PLEKHA4: variants seen among roughly 807,000 people sequenced by gnomAD.
PLEKHA4 encodes pleckstrin homology domain containing A4.
A neutral mutation model predicts 94.7 loss-of-function variants in PLEKHA4; 73 were observed. The ratio of observed to expected loss-of-function variants is 0.77; its 90% CI spans 0.64 to 0.94. PLEKHA4 has a LOEUF of 0.94. Among genes scored for constraint, PLEKHA4 ranks in the 40% least tolerant of loss-of-function variants. The probability of loss-of-function intolerance (pLI) is 0.00; values close to 1 mark genes in which losing one functional copy is unlikely to be tolerated. For synonymous variants in PLEKHA4, 449 were observed against 437.1 expected (o/e 1.03, Z -0.34); for missense variants, 1,049 against 1,054.1 (o/e 1.00, Z 0.07).
intron 9 of PLEKHA4, among the ~76,000 whole-genome samples, chr19:48,855,615 T>TAAAG (rs1270942259): frequency 1.4e-5 from 2 of 145,994 alleles, no homozygotes; most frequent in Non-Finnish European, 3.0e-5. Context: ...AATAAATAAA[T>TAAAG]AAATAAATAA....
chr19:48,837,925 C>A lies in PLEKHA4; in HGVS notation c.2077+92G>T. 9.4e-7 allele frequency: 1 copy of A among 1,058,872 alleles called. No homozygotes were observed. Among genetic ancestry groups the A allele is most frequent in the Non-Finnish European group, 1.4e-6 (1 of 709,524 alleles). The allele number at this position is 1,058,872 out of a possible 1,614,324, so 65.6% of individuals were successfully genotyped here. On this transcript the variant is annotated intron_variant, in intron 19 of 19. Transcript: ENST00000263265. The surrounding 1 kb of genome is among the most constrained non-coding windows in gnomAD (Gnocchi z 4.3). ...CACCAAGATAAAAAATTCTCACCGG[C>A]CCCCAGACCCCTCCTCTCCAGGACC...
rs774888600 is a variant in PLEKHA4, at chr19:48,853,802, G to A, written c.1206C>T (p.Thr402=). ...KEQLEAALEL[T]RQQLGQATRE... The stretch of plus-strand genomic sequence containing the variant: ...TGGTGGCTTGGCCCAGCTGTTGCCG[G>A]GTCAACTCCAGAGCTGCTTCTAGTT... Residue 402 remains threonine, a synonymous_variant, in exon 12 of 20, where the codon ACC becomes ACT. Coordinates refer to ENST00000263265, the MANE Select transcript of PLEKHA4 (RefSeq NM_020904.3). The A allele has an allele frequency of 2.2e-5, 36 of 1,612,410 alleles. No homozygotes were observed. The Middle Eastern group carries it at 4.9e-4, about 22-fold the overall frequency.
At chr19:48,845,213 A>G (rs1285703132) in intron 16 of PLEKHA4, 157 bp downstream of exon 16, 2 of 697,822 alleles carry the variant, frequency 2.9e-6, no homozygotes, top group Non-Finnish European at 4.9e-6. Context: ...ACAGCTTAGA[A>G]GCGACAGAGA....
chr19:48,865,586 T>C lies in PLEKHA4; in HGVS notation c.109A>G (p.Ile37Val), dbSNP rs506425. Residue 37 changes from isoleucine to valine, a missense_variant, in exon 3 of 20, where the codon ATC becomes GTC. Ile to Val is a conservative substitution (Grantham distance 29). Transcript: ENST00000263265. ...TTGCCTCTCTTCCCAAAGGCGTGGATCTTGTTTACTGCCCGGGTGGGCTTC... is the reference window on the plus strand; with the variant it reads ...TTGCCTCTCTTCCCAAAGGCGTGGACCTTGTTTACTGCCCGGGTGGGCTTC... ...PKKPTRAVNK[I>V]HAFGKRGNAL... is the part of the protein sequence containing the mutation. 0.32 allele frequency: 510,509 copies of C among 1,611,826 alleles called. 92,383 individuals are homozygous for C. Among genetic ancestry groups the C allele is most frequent in the African/African-American group, 0.8 (59,809 of 74,838 alleles).
chr19:48,842,650 G>A (rs535938667), intron 16 of PLEKHA4, among the ~76,000 whole-genome samples: 2 of 152,182 alleles, frequency 1.3e-5, no homozygotes, highest in African/African-American at 2.4e-5. Flanking sequence ...CCAAGCCCCT[G>A]CTGCTCTTTG....
chr19:48,860,514 C>T, intron 5 of PLEKHA4, 55 bp from the exon 6 acceptor site: 8 of 1,379,340 alleles, frequency 5.8e-6, no homozygotes, highest in Non-Finnish European at 5.1e-6. Context: ...AAAAGGAGGA[C>T]AGGCCGGACC....
chr19:48,839,308 AC>A, intron 17 of PLEKHA4, 45 bp from the exon 18 acceptor site: 1 of 1,388,800 alleles, frequency 7.2e-7, no homozygotes. Context: ...TGGAAGCCCC[AC>A]GTTCTCATTT....
chr19:48,847,375 G>A (rs555059712), intron 14 of PLEKHA4, among the ~76,000 whole-genome samples: 8 of 152,186 alleles, frequency 5.3e-5, no homozygotes, highest in African/African-American at 1.9e-4. Flanking sequence ...ATTCGAGGCT[G>A]CAGTGAGCCA....
At chr19:48,863,403 G>C (rs1285062788) in intron 3 of PLEKHA4, among the ~76,000 whole-genome samples, 1 of 147,766 alleles carries the variant, frequency 6.8e-6, no homozygotes, top group Non-Finnish European at 1.5e-5. Flanking sequence ...ACAGGTGCCT[G>C]CCACCATGCA....
At chr19:48,864,212 AGG>A (rs1330452734) in intron 3 of PLEKHA4, among the ~76,000 whole-genome samples, 1 of 148,044 alleles carries the variant, frequency 6.8e-6, no homozygotes, top group African/African-American at 2.5e-5. Flanking sequence ...TCCATCATCC[AGG>A]CTGGAGTGCA....
intron 2 of PLEKHA4, among the ~76,000 whole-genome samples, chr19:48,866,667 A>G (rs2036846284): frequency 6.6e-6 from 1 of 152,050 alleles, no homozygotes; most frequent in African/African-American, 2.4e-5. Context: ...GCTGTAGGGA[A>G]GCAATTTGGG....
intron 17 of PLEKHA4, among the ~76,000 whole-genome samples, chr19:48,840,504 C>G (rs1460665148): frequency 1.3e-5 from 2 of 150,334 alleles, no homozygotes; most frequent in Non-Finnish European, 3.0e-5. Flanking sequence ...TAGCTCACCA[C>G]AACCTCCACC....
At chr19:48,856,245 CGAGGA>C (rs2036402783) in intron 9 of PLEKHA4, among the ~76,000 whole-genome samples, 3 of 131,762 alleles carry the variant, frequency 2.3e-5, no homozygotes, top group Admixed American at 8.3e-5. Flanking sequence ...AAGGAAAGAA[CGAGGA>C]GGGGAGGGGA....
At chr19:48,841,029 C>A in intron 17 of PLEKHA4, 120 bp downstream of exon 17, 3 of 1,047,674 alleles carry the variant, frequency 2.9e-6, no homozygotes, top group Non-Finnish European at 4.1e-6. Flanking sequence ...GGGGTAAATT[C>A]GGAAATCCAG....
chr19:48,859,102 T>C lies in PLEKHA4; in HGVS notation c.730A>G (p.Ser244Gly). The stretch of plus-strand genomic sequence containing the variant: ...GGGGCAGAACGGGGACGGGGGAGGC[T>C]CAGAGGCGAGGGAGGGCGAGAGAGG... ...TPLSRPPSPL[S>G]LPRPRSAPAR... Residue 244 changes from serine to glycine, a missense_variant, in exon 8 of 20, where the codon AGC becomes GGC. By Grantham distance (56) the Ser-to-Gly change is moderately conservative. Coordinates refer to ENST00000263265, the MANE Select transcript of PLEKHA4 (RefSeq NM_020904.3). 7.1e-7 allele frequency: 1 copy of C among 1,418,202 alleles called. No individual in the cohort carries two copies. Among genetic ancestry groups the C allele is most frequent in the Non-Finnish European group, 9.2e-7 (1 of 1,085,542 alleles). The allele number at this position is 1,418,202 out of a possible 1,614,324, so 87.9% of individuals were successfully genotyped here.
Position 48,841,144 on chromosome 19 carries a change from C to T in PLEKHA4, c.1905+5G>A, listed in dbSNP as rs1305979709. On this transcript the variant is annotated splice_donor_5th_base_variant and intron_variant, in intron 17 of 19. Transcript: ENST00000263265. Reference sequence around the variant, plus strand: ...ACCGCCCAGCCCCAGCCCTCCTCCCCTCACCCTTTGCTCCACGTCAGGCTG... The same window carrying T: ...ACCGCCCAGCCCCAGCCCTCCTCCCTTCACCCTTTGCTCCACGTCAGGCTG... 2 of 1,605,830 alleles carry T rather than the reference C, an allele frequency of 1.2e-6. No individual in the cohort carries two copies. The highest frequency in any genetic ancestry group is 1.7e-6 in the Non-Finnish European group (2 of 1,176,350).
Position 48,860,450 on chromosome 19 carries a change from G to C in PLEKHA4, c.376C>G (p.Pro126Ala). 1.2e-6 allele frequency: 2 copies of C among 1,613,882 alleles called. No homozygotes were observed. The highest frequency in any genetic ancestry group is 1.7e-6 in the Non-Finnish European group (2 of 1,179,828). Residue 126 changes from proline (P) to alanine (A), a missense_variant, in exon 6 of 20, where the codon CCG (proline) becomes GCG (alanine). Physicochemically the swap from Pro to Ala is conservative, Grantham distance 27 (BLOSUM62 -1). Coordinates refer to ENST00000263265, the MANE Select transcript of PLEKHA4 (RefSeq NM_020904.3). Reference protein sequence around the residue: ...GRRFTFTAEHPGMRTYVLAAD... With the variant: ...GRRFTFTAEHAGMRTYVLAAD... ...GCCAAAACGTAGGTCCTCATGCCCG[G>C]GTGCTCTGCCTGCGGGAAGAGAAGG...
At chr19:48,862,223 CAG>C (rs1447827411) in intron 3 of PLEKHA4, among the ~76,000 whole-genome samples, 2 of 102,308 alleles carry the variant, frequency 2.0e-5, no homozygotes, top group African/African-American at 7.4e-5. Context: ...TTTTTTTTGA[CAG>C]AGTCTTGCTC....
intron 3 of PLEKHA4, among the ~76,000 whole-genome samples, chr19:48,864,172 CT>C (rs11378326): frequency 2.3e-3 from 326 of 142,284 alleles, no homozygotes; most frequent in Middle Eastern, 3.6e-3. Flanking sequence ...GCCTCCAGGT[CT>C]TTTTTTTTTT....
Sources: allele counts gnomAD v4.1 joint callset (sites outside exome capture counted in the v4.1 genomes callset), GRCh38; gene constraint gnomAD v4.1.1; non-coding constraint Gnocchi (gnomAD v3.1); transcripts MANE v1.5; gene names NCBI Gene and HGNC (gene_info 2026-07-23, HGNC 2026-07-21).